The following GPR89B variants were observed in gnomAD, a reference collection of about 807,000 sequenced individuals.
GPR89B encodes golgi pH regulator B, also known as G protein-coupled receptor 89B.
A neutral mutation model predicts 52.4 loss-of-function variants in GPR89B; 25 were observed. The ratio of observed to expected loss-of-function variants is 0.48; its 90% CI spans 0.35 to 0.67. GPR89B has a LOEUF of 0.67. Among genes scored for constraint, GPR89B ranks in the 30% least tolerant of loss-of-function variants. The pLI is 0.01. For missense variants in GPR89B, 146 were observed against 450.2 expected, an observed-to-expected ratio of 0.32 and a Z score of 6.11; for synonymous variants, 52 against 151.2, an observed-to-expected ratio of 0.34 and a Z score of 4.81.
chr1:147,992,393 T>C lies in GPR89B; in HGVS notation c.1096-109T>C, dbSNP rs1254835888. 301 of 788,766 alleles carry C rather than the reference T, an allele frequency of 3.8e-4. No homozygotes were observed. In the African/African-American group the frequency reaches 4.7e-3, roughly 12 times the overall value. The allele number at this position is 788,766 out of a possible 1,614,324, so 48.9% of individuals were successfully genotyped here. A position where few individuals can be genotyped will look rare whatever the true frequency, so the allele number is the denominator to read the frequency against. On this transcript the variant is annotated intron_variant, in intron 12 of 13. Coordinates refer to ENST00000314163, the MANE Select transcript of GPR89B (RefSeq NM_016334.5). ...ATCATATGAATTGTTCTATACAGGA[T>C]TGTGGCATGGAAGAGACACTTTTAA...
chr1:148,015,299 CTCTCTCTCT>C, the GPR89B span, among the ~76,000 whole-genome samples: 2 of 110,932 alleles, frequency 1.8e-5, 1 homozygote, highest in African/African-American at 7.8e-5. Flanking sequence ...TAGGATCTCT[CTCTCTCTCT>C]CTCTCTCTCT....
chr1:148,006,289 T>C, the GPR89B span, among the ~76,000 whole-genome samples: 5 of 151,590 alleles, frequency 3.3e-5, no homozygotes, highest in Admixed American at 2.6e-4. Flanking sequence ...AAAGCATCTT[T>C]ACCATTCTCT....
the GPR89B span, among the ~76,000 whole-genome samples, chr1:148,000,871 T>C: frequency 6.9e-6 from 1 of 145,326 alleles, no homozygotes; most frequent in South Asian, 2.2e-4. Flanking sequence ...TAAAGTTAGT[T>C]TGATTCAGGT....
At chr1:147,949,792 A>ATGG (rs1655415532) in intron 5 of GPR89B, among the ~76,000 whole-genome samples, 2 of 110,116 alleles carry the variant, frequency 1.8e-5, no homozygotes. Context: ...CTGGCCGGGC[A>ATGG]GGGGGCTGAC....
chr1:148,017,746 T>TAAATAAATAAAATA, the GPR89B span, among the ~76,000 whole-genome samples: 2 of 143,354 alleles, frequency 1.4e-5, no homozygotes, highest in Non-Finnish European at 3.0e-5. Flanking sequence ...TCAAAATAAA[T>TAAATAAATAAAATA]AAATAAAATA....
At chr1:147,952,635 T>G (rs1276251440) in intron 5 of GPR89B, among the ~76,000 whole-genome samples, 3 of 152,136 alleles carry the variant, frequency 2.0e-5, no homozygotes, top group African/African-American at 7.3e-5. Context: ...ACCATTCTTT[T>G]TCTGCAATGC....
At chr1:147,928,654 G>T (rs1299194656) in intron 1 of GPR89B, 76 bp downstream of exon 1, 2 of 1,587,418 alleles carry the variant, frequency 1.3e-6, no homozygotes, top group African/African-American at 1.4e-5. Flanking sequence ...TCCGCGGTGC[G>T]GGCTGGTCCG....
intron 7 of GPR89B, among the ~76,000 whole-genome samples, chr1:147,954,877 G>A (rs2796970): frequency 0.083 from 12,598 of 151,826 alleles, 1,114 homozygotes; most frequent in African/African-American, 0.21. Flanking sequence ...TAACATGTCT[G>A]TCACCTCACA....
the GPR89B span, among the ~76,000 whole-genome samples, chr1:148,017,468 T>C: frequency 6.7e-6 from 1 of 150,098 alleles, no homozygotes; most frequent in African/African-American, 2.5e-5. Flanking sequence ...GGCGCGGTGG[T>C]TCATGCCTGT....
At chr1:148,022,893 A>G in the GPR89B span, among the ~76,000 whole-genome samples, 2 of 151,296 alleles carry the variant, frequency 1.3e-5, no homozygotes, top group African/African-American at 4.9e-5. Context: ...TATTTGTAAT[A>G]TTTAATTTTT....
chr1:148,000,663 G>A, the GPR89B span, among the ~76,000 whole-genome samples: 1 of 149,526 alleles, frequency 6.7e-6, no homozygotes, highest in Non-Finnish European at 1.5e-5. Context: ...GTATATCACA[G>A]AGGACATTTA....
At chr1:147,970,533 C>CTCTCTCTA (rs1657371248) in intron 10 of GPR89B, among the ~76,000 whole-genome samples, 1 of 127,724 alleles carries the variant, frequency 7.8e-6, no homozygotes, top group East Asian at 2.2e-4. Context: ...CTCTCTCTCT[C>CTCTCTCTA]TATCTCTATC....
At chr1:147,959,869 C>G (rs1656403019) in intron 7 of GPR89B, among the ~76,000 whole-genome samples, 1 of 151,098 alleles carries the variant, frequency 6.6e-6, no homozygotes, top group African/African-American at 2.4e-5. Flanking sequence ...GTTGAACACA[C>G]AGTTTGGATG....
the GPR89B span, among the ~76,000 whole-genome samples, chr1:148,012,898 C>A: frequency 2.0e-5 from 3 of 151,996 alleles, no homozygotes; most frequent in Non-Finnish European, 4.4e-5. Flanking sequence ...TGTAAGAATA[C>A]ACTCTGCAGC....
At chr1:147,991,903 T>C (rs1303376301) in intron 12 of GPR89B, among the ~76,000 whole-genome samples, 1 of 151,954 alleles carries the variant, frequency 6.6e-6, no homozygotes, top group South Asian at 2.1e-4. Context: ...AAAATTCTCT[T>C]TTTTTGTTGT....
At chr1:147,932,336 C>T (rs1553247178) in intron 1 of GPR89B, among the ~76,000 whole-genome samples, 2 of 151,940 alleles carry the variant, frequency 1.3e-5, no homozygotes, top group East Asian at 1.9e-4. Flanking sequence ...CCCTCTTGTT[C>T]GTTTACCTTC....
intron 3 of GPR89B, 107 bp from the exon 4 acceptor site, chr1:147,943,331 A>G (rs1654702204): frequency 1.3e-6 from 2 of 1,554,204 alleles, no homozygotes; most frequent in Admixed American, 1.8e-5. Context: ...TAGATAGGAT[A>G]TATTCAATAT....
At chr1:147,989,775 G>A (rs1658925335) in intron 12 of GPR89B, among the ~76,000 whole-genome samples, 2 of 152,060 alleles carry the variant, frequency 1.3e-5, no homozygotes, top group Non-Finnish European at 2.9e-5. Flanking sequence ...CTTTTTTTAT[G>A]GCTGGATAGT....
At chr1:147,967,778 A>C (rs1461509545) in intron 8 of GPR89B, 1 of 153,128 alleles carries the variant, frequency 6.5e-6, no homozygotes, top group Non-Finnish European at 1.4e-5. Flanking sequence ...AGATTTATTT[A>C]ACCAAGAAAC....
Sources: gnomAD v4.1 joint callset for allele counts (sites outside exome capture counted in the v4.1 genomes callset) on GRCh38, gnomAD v4.1.1 for gene constraint, MANE v1.5 for transcripts, NCBI Gene and HGNC (gene_info 2026-07-23, HGNC 2026-07-21) for gene names.